The following ARHGAP35 variants were observed in gnomAD, a reference collection of about 807,000 sequenced individuals.
ARHGAP35 encodes Rho GTPase activating protein 35.
In ARHGAP35, 15 loss-of-function variants were observed where a neutral mutation model predicts 111.1. The ratio of observed to expected loss-of-function variants is 0.13; its 90% confidence interval spans 0.09 to 0.21. The LOEUF (loss-of-function observed/expected upper bound fraction) is 0.21. ARHGAP35 is among the 10% of genes least tolerant of loss of function. ARHGAP35 has a pLI of 1.00. For synonymous variants in ARHGAP35, 643 were observed against 710.3 expected, an observed-to-expected ratio of 0.91 and a Z score of 1.51; for missense variants, 1,262 against 1,873.0, an observed-to-expected ratio of 0.67 and a Z score of 6.02.
chr19:46,892,809 C>T (rs897124690), intron 1 of ARHGAP35, among the ~76,000 whole-genome samples: 1 of 152,034 alleles, frequency 6.6e-6, no homozygotes, highest in Admixed American at 6.6e-5. Context: ...CTGCACTGTA[C>T]CTTGCAATCA....
At chr19:46,958,916 C>A (rs2056459135) in intron 3 of ARHGAP35, among the ~76,000 whole-genome samples, 1 of 152,086 alleles carries the variant, frequency 6.6e-6, no homozygotes. Context: ...ACAGATGTCT[C>A]CAGTTTTGTC....
chr19:46,872,697 G>C (rs867141816), intron 1 of ARHGAP35, among the ~76,000 whole-genome samples: 3 of 151,824 alleles, frequency 2.0e-5, no homozygotes, highest in Non-Finnish European at 2.9e-5. Flanking sequence ...TGGCTAACAC[G>C]GTGAAACTCC....
In ARHGAP35 at chr19:47,000,939, C is replaced by CAG. The variant is rs1163374700; in HGVS notation, c.*252_*253dup. On this transcript the variant is annotated 3_prime_UTR_variant, in exon 7 of 7. Transcript: ENST00000672722. The surrounding 1 kb of genome is among the most constrained non-coding windows in gnomAD (Gnocchi z 6.9). Reference sequence around the variant, plus strand: ...GACTGAACTAGGCAGGCAATGGCTCCAGTGCCCTCCCTCTGTTCCCTGGAC... The same window carrying CAG: ...GACTGAACTAGGCAGGCAATGGCTCCAGAGTGCCCTCCCTCTGTTCCCTGGAC... The CAG allele has an allele frequency of 6.6e-7, 1 of 1,524,830 alleles. No individual in the cohort carries two copies. Among genetic ancestry groups the CAG allele is most frequent in the Non-Finnish European group, 8.8e-7 (1 of 1,140,054 alleles). The allele number at this position is 1,524,830 out of a possible 1,614,324, so 94.5% of individuals were successfully genotyped here. A position where few individuals can be genotyped will look rare whatever the true frequency, so the allele number is the denominator to read the frequency against.
In ARHGAP35 at chr19:46,919,541, A is replaced by G. The variant is rs201054991; in HGVS notation, c.866A>G (p.Asn289Ser). 142 of 1,614,004 alleles carry G rather than the reference A, an allele frequency of 8.8e-5. No individual in the cohort carries two copies. The African/African-American group carries it at 1.0e-3, about 11-fold the overall frequency. The change falls in exon 2 of 7, where the codon AAT becomes AGT. Residue 289 changes from asparagine to serine, a missense_variant. Transcript: ENST00000672722. This position sits in a 1 kb window ranked among gnomAD's most constrained non-coding sequence, Gnocchi z 6.2. ...WLVSRIVKNH[N>S]ENWLSVSRKM... ...GTGAGTCGCATTGTGAAAAACCACA[A>G]TGAGAACTGGCTGAGTGTCAGCCGA...
At chr19:46,897,432 G>C (rs573985299) in intron 1 of ARHGAP35, among the ~76,000 whole-genome samples, 26 of 150,758 alleles carry the variant, frequency 1.7e-4, no homozygotes, top group African/African-American at 6.1e-4. Context: ...CTTGAAGGTA[G>C]TGGGTTTATT....
Position 46,999,642 on chromosome 19 carries a change from C to T in ARHGAP35, c.4142+233C>T, listed in dbSNP as rs73940795. Reference sequence around the variant, plus strand: ...TGTCTGAGGGCAGCCCACGTGGCCTCAAACCTGCCTAACACCAGATAGGGC... The same window carrying T: ...TGTCTGAGGGCAGCCCACGTGGCCTTAAACCTGCCTAACACCAGATAGGGC... On this transcript the variant is annotated intron_variant, in intron 6 of 6. Coordinates refer to ENST00000672722, the MANE Select transcript of ARHGAP35 (RefSeq NM_004491.5). This position sits in a 1 kb window ranked among gnomAD's most constrained non-coding sequence, Gnocchi z 5.4. 2.8e-3 allele frequency: 1,534 copies of T among 538,654 alleles called. 22 individuals are homozygous for T. Among genetic ancestry groups the T allele is most frequent in the African/African-American group, 0.024 (1,259 of 52,990 alleles). The allele number at this position is 538,654 out of a possible 1,614,324, so 33.4% of individuals were successfully genotyped here. A position where few individuals can be genotyped will look rare whatever the true frequency, so the allele number is the denominator to read the frequency against.
rs536518011 is a variant in ARHGAP35, at chr19:46,994,915, C to T, written c.4037-4389C>T. Reference sequence around the variant, plus strand: ...AGGCAAGAATGGGGCGCTGTCACCACACAACCTCACCCATCCCCACGTGCT... The same window carrying T: ...AGGCAAGAATGGGGCGCTGTCACCATACAACCTCACCCATCCCCACGTGCT... On this transcript the variant is annotated intron_variant, in intron 5 of 6. Transcript: ENST00000672722. This position sits in a 1 kb window ranked among gnomAD's most constrained non-coding sequence, Gnocchi z 5.4. Among the ~76,000 whole-genome samples the T allele has an allele frequency of 2.6e-5, 4 of 152,332 alleles. No homozygotes were observed. Among genetic ancestry groups the T allele is most frequent in the South Asian group, 4.1e-4 (2 of 4,828 alleles).
At chr19:46,874,368 GATCTT>G (rs2055904399) in intron 1 of ARHGAP35, among the ~76,000 whole-genome samples, 1 of 152,080 alleles carries the variant, frequency 6.6e-6, no homozygotes, top group South Asian at 2.1e-4. Context: ...GTTTTTACTT[GATCTT>G]ATCTTAAAGA....
At position 46,918,508 on chromosome 19, in the gene ARHGAP35, G is replaced by C. The variant is rs1289038482; in HGVS notation, c.-168G>C. Among the ~76,000 whole-genome samples the C allele has an allele frequency of 1.3e-5, 2 of 151,972 alleles. No homozygotes were observed. Among genetic ancestry groups the C allele is most frequent in the African/African-American group, 4.8e-5 (2 of 41,356 alleles). On this transcript the variant is annotated 5_prime_UTR_variant, in exon 2 of 7. Coordinates refer to ENST00000672722, the MANE Select transcript of ARHGAP35 (RefSeq NM_004491.5). This position sits in a 1 kb window ranked among gnomAD's most constrained non-coding sequence, Gnocchi z 5.4. ...TCTAGGAAGAAATGTTGGCTATTTG[G>C]CGATGAGAGGTGGTGAACAGTGACC...
In ARHGAP35 at chr19:46,987,989, G is replaced by A; in HGVS notation, c.3827G>A (p.Gly1276Glu). The stretch of plus-strand genomic sequence containing the variant: ...TAAGACCCTGCCTGTTTCTCCTCAG[G>A]ACTGAGCACGGAAGGCATCTACCGG... ...ERCIEYIEAT[G>E]LSTEGIYRVS... Residue 1276 changes from glycine (G) to glutamate (E), a missense_variant and splice_region_variant, in exon 4 of 7, where the codon GGA becomes GAA. By Grantham distance (98) the Gly-to-Glu change is moderately conservative. This residue lies in a region of ARHGAP35 where 45 missense variants were observed against 118.2 expected (regional missense o/e 0.38). Coordinates refer to ENST00000672722, the MANE Select transcript of ARHGAP35 (RefSeq NM_004491.5). 1 of 1,613,762 alleles carries A rather than the reference G, an allele frequency of 6.2e-7. No homozygotes were observed. Among genetic ancestry groups the A allele is most frequent in the Non-Finnish European group, 8.5e-7 (1 of 1,179,834 alleles).
chr19:46,927,754 A>G lies in ARHGAP35; in HGVS notation c.3681+5398A>G, dbSNP rs556522627. Among the ~76,000 whole-genome samples the G allele has an allele frequency of 5.9e-5, 9 of 152,244 alleles. No individual in the cohort carries two copies. The East Asian group carries it at 1.2e-3, about 20-fold the overall frequency. The stretch of plus-strand genomic sequence containing the variant: ...TCATCCTTGATTTTGAGTTGAGGTA[A>G]CTAAGGCTCAGAGAGATTAAACCTT... On this transcript the variant is annotated intron_variant, in intron 2 of 6. Transcript: ENST00000672722.
rs781609136 is a variant in ARHGAP35, at chr19:46,921,835, G to C, written c.3160G>C (p.Gly1054Arg). 1 of 1,613,958 alleles carries C rather than the reference G, an allele frequency of 6.2e-7. No individual in the cohort carries two copies. The highest frequency in any genetic ancestry group is 8.5e-7 in the Non-Finnish European group (1 of 1,179,898). Residue 1054 changes from glycine (G) to arginine (R), a missense_variant, in exon 2 of 7, where the codon GGG becomes CGG. By Grantham distance (125) the Gly-to-Arg change is moderately radical. Around this residue, in one of 8 missense-constraint regions of ARHGAP35, gnomAD observed 579 missense variants for 716.9 expected, o/e 0.81. Coordinates refer to ENST00000672722, the MANE Select transcript of ARHGAP35 (RefSeq NM_004491.5). The surrounding 1 kb of genome is among the most constrained non-coding windows in gnomAD (Gnocchi z 4.3). ...TCCTGTCCATTTTGAAATTACAAAG[G>C]GGGATCTATCTTATTTAGACCAAGG... ...KPPVHFEITK[G>R]DLSYLDQGHR...
chr19:46,982,279 C>G (rs1269279136), intron 3 of ARHGAP35, among the ~76,000 whole-genome samples: 2 of 152,078 alleles, frequency 1.3e-5, no homozygotes, highest in East Asian at 3.9e-4. Flanking sequence ...AAGTTTGAGA[C>G]CAGTCTAGCC....
chr19:46,871,963 G>A (rs1004574235), intron 1 of ARHGAP35, among the ~76,000 whole-genome samples: 1 of 151,974 alleles, frequency 6.6e-6, no homozygotes, highest in African/African-American at 2.4e-5. Context: ...ATGGGTGACA[G>A]AGTGAGACTC....
chr19:46,965,741 T>C (rs1487859041), intron 3 of ARHGAP35, among the ~76,000 whole-genome samples: 1 of 152,208 alleles, frequency 6.6e-6, no homozygotes, highest in Non-Finnish European at 1.5e-5. Context: ...TGCCTCAGCC[T>C]CCCAAAGTGC....
intron 3 of ARHGAP35, among the ~76,000 whole-genome samples, chr19:46,982,007 A>G (rs879043856): frequency 2.6e-5 from 4 of 152,076 alleles, no homozygotes; most frequent in Admixed American, 2.6e-4. Flanking sequence ...GCATGACACC[A>G]TGCCTGGCTA....
At chr19:46,897,179 G>A (rs1193189307) in intron 1 of ARHGAP35, among the ~76,000 whole-genome samples, 4 of 151,784 alleles carry the variant, frequency 2.6e-5, no homozygotes, top group African/African-American at 9.7e-5. Context: ...GGTTACAGGC[G>A]TGAGCCATCG....
At chr19:46,912,398 A>C (rs1337987710) in intron 1 of ARHGAP35, among the ~76,000 whole-genome samples, 2 of 150,034 alleles carry the variant, frequency 1.3e-5, no homozygotes, top group Non-Finnish European at 3.0e-5. Context: ...TCTGTCGCCC[A>C]GGCTGGAGTG....
At chr19:46,987,953 G>C in intron 3 of ARHGAP35, 36 bp from the exon 4 acceptor site, 1 of 1,607,120 alleles carries the variant, frequency 6.2e-7, no homozygotes, top group Non-Finnish European at 8.5e-7. Context: ...CTGCTCTCCA[G>C]TTCCTGCTCC....
Sources: gnomAD v4.1 joint callset for allele counts (sites outside exome capture counted in the v4.1 genomes callset) on GRCh38, gnomAD v4.1.1 for gene constraint, gnomAD v4.1.1 regional missense constraint, Gnocchi (gnomAD v3.1) non-coding constraint, MANE v1.5 for transcripts, NCBI Gene and HGNC (gene_info 2026-07-23, HGNC 2026-07-21) for gene names.